TCF12: variants seen among roughly 807,000 people sequenced by gnomAD.
TCF12 encodes the protein DNA-binding protein HTF4.
TCF12 carries 45 observed loss-of-function variants against 86.0 expected under a neutral mutation model. The ratio of observed to expected loss-of-function variants is 0.52; its 90% CI spans 0.41 to 0.67. The LOEUF is 0.67. TCF12 is among the 30% of genes least tolerant of loss of function. TCF12 has a pLI of 0.00. For synonymous variants in TCF12, 330 were observed against 299.6 expected (o/e 1.10, Z -1.05); for missense variants, 881 against 859.9 (o/e 1.02, Z -0.31).
intron 5 of TCF12, among the ~76,000 whole-genome samples, chr15:57,158,284 T>C (rs1056696782): frequency 1.3e-5 from 2 of 150,666 alleles, no homozygotes; most frequent in East Asian, 4.0e-4. Context: ...GCTCAGGTGA[T>C]TCTCCCATCT....
chr15:57,184,460 T>C (rs539532010), intron 6 of TCF12, among the ~76,000 whole-genome samples: 23 of 152,276 alleles, frequency 1.5e-4, no homozygotes, highest in African/African-American at 5.3e-4. Flanking sequence ...TCCCTCCTTC[T>C]GATATATTTG....
intron 8 of TCF12, among the ~76,000 whole-genome samples, chr15:57,223,046 A>C (rs2058676962): frequency 1.3e-5 from 2 of 152,034 alleles, no homozygotes; most frequent in Non-Finnish European, 2.9e-5. Flanking sequence ...GGGAAAAAAA[A>C]GAAACTAATT....
At chr15:56,923,213 C>A (rs1309920911) in intron 3 of TCF12, among the ~76,000 whole-genome samples, 7 of 152,006 alleles carry the variant, frequency 4.6e-5, no homozygotes, top group African/African-American at 1.7e-4. Flanking sequence ...CTCAATTTCA[C>A]AGTGGGCTGT....
At chr15:57,069,078 CTG>C (rs1194760203) in intron 4 of TCF12, among the ~76,000 whole-genome samples, 13 of 152,208 alleles carry the variant, frequency 8.5e-5, no homozygotes, top group African/African-American at 3.1e-4. Context: ...GCCTTTTTAA[CTG>C]TGTTAGCCAA....
At chr15:57,096,778 A>T (rs1001821601) in intron 5 of TCF12, among the ~76,000 whole-genome samples, 1 of 152,196 alleles carries the variant, frequency 6.6e-6, no homozygotes, top group African/African-American at 2.4e-5. Context: ...GAACCCACAG[A>T]TAGAGGGCAG....
chr15:57,180,661 C>T (rs1019846952), intron 6 of TCF12, among the ~76,000 whole-genome samples: 1 of 141,940 alleles, frequency 7.0e-6, no homozygotes, highest in Non-Finnish European at 1.6e-5. Flanking sequence ...AGAATAATAA[C>T]ACAGCAGAGG....
intron 3 of TCF12, among the ~76,000 whole-genome samples, chr15:57,014,336 C>T (rs910010417): frequency 9.2e-5 from 14 of 151,818 alleles, no homozygotes; most frequent in African/African-American, 3.4e-4. Flanking sequence ...GGCTGTTAGT[C>T]AGGATATTTA....
intron 8 of TCF12, among the ~76,000 whole-genome samples, chr15:57,210,363 T>C (rs951049595): frequency 6.6e-6 from 1 of 151,600 alleles, no homozygotes; most frequent in African/African-American, 2.4e-5. Context: ...CATAACTGTA[T>C]GTTTTAACTC....
chr15:57,167,012 C>T (rs1227493642), intron 6 of TCF12, among the ~76,000 whole-genome samples: 2 of 152,112 alleles, frequency 1.3e-5, no homozygotes, highest in African/African-American at 4.8e-5. Context: ...GAATCCTGAA[C>T]ACACAATTCA....
intron 6 of TCF12, among the ~76,000 whole-genome samples, chr15:57,167,224 C>T (rs1228365774): frequency 2.6e-5 from 4 of 152,210 alleles, no homozygotes; most frequent in African/African-American, 9.7e-5. Flanking sequence ...GAGAGTTTTA[C>T]ATAACATCCT....
At chr15:57,034,417 A>G (rs1317185921) in intron 3 of TCF12, among the ~76,000 whole-genome samples, 1 of 152,050 alleles carries the variant, frequency 6.6e-6, no homozygotes, top group African/African-American at 2.4e-5. Flanking sequence ...AAAATTTGCC[A>G]CCTGTGAAAG....
intron 7 of TCF12, among the ~76,000 whole-genome samples, chr15:57,195,137 AAGT>A (rs1395314865): frequency 1.5e-4 from 23 of 152,254 alleles, no homozygotes; most frequent in Admixed American, 6.5e-4. Flanking sequence ...TCCTGACCTC[AAGT>A]GGTCCTCCTG....
intron 12 of TCF12, among the ~76,000 whole-genome samples, chr15:57,241,220 G>A (rs539271466): frequency 3.3e-5 from 5 of 151,876 alleles, no homozygotes; most frequent in African/African-American, 4.8e-5. Context: ...CAGACCCCGC[G>A]AGTAGCTGGG....
chr15:57,149,040 A>G (rs555568231), intron 5 of TCF12, among the ~76,000 whole-genome samples: 1 of 152,332 alleles, frequency 6.6e-6, no homozygotes. Context: ...AAGATTTTTC[A>G]GTATAAATTT....
At chr15:57,022,640 A>G (rs1380334307) in intron 3 of TCF12, among the ~76,000 whole-genome samples, 1 of 152,196 alleles carries the variant, frequency 6.6e-6, no homozygotes, top group African/African-American at 2.4e-5. Context: ...TGGAATCGCC[A>G]CCACTGTCTT....
intron 3 of TCF12, among the ~76,000 whole-genome samples, chr15:57,058,763 A>G (rs1277050700): frequency 2.0e-5 from 3 of 152,198 alleles, no homozygotes; most frequent in Non-Finnish European, 4.4e-5. Flanking sequence ...AATGTGTAGC[A>G]TAACAAAGCA....
At chr15:57,101,988 T>G (rs1286688309) in intron 5 of TCF12, among the ~76,000 whole-genome samples, 1 of 152,176 alleles carries the variant, frequency 6.6e-6, no homozygotes. Context: ...TAGTCTAAGG[T>G]CTGTGGTCCA....
intron 3 of TCF12, among the ~76,000 whole-genome samples, chr15:57,049,164 C>T (rs2067441251): frequency 6.6e-6 from 1 of 152,180 alleles, no homozygotes; most frequent in Non-Finnish European, 1.5e-5. Context: ...CAAATGTCAT[C>T]CCAGCTCCAG....
At chr15:56,920,358 C>A (rs927976097) in intron 2 of TCF12, among the ~76,000 whole-genome samples, 1 of 152,038 alleles carries the variant, frequency 6.6e-6, no homozygotes, top group Admixed American at 6.5e-5. Flanking sequence ...CAGTACTCCT[C>A]ACCATTTTCC....
Sources: gnomAD v4.1 joint callset for allele counts (sites outside exome capture counted in the v4.1 genomes callset) on GRCh38, gnomAD v4.1.1 for gene constraint, MANE v1.5 for transcripts, NCBI Gene and HGNC (gene_info 2026-07-23, HGNC 2026-07-21) for gene names.